U2SURP: variants seen among roughly 807,000 people sequenced by gnomAD.
U2SURP encodes U2 snRNP associated SURP domain containing, also known as U2 snRNP-associated SURP motif-containing protein.
In U2SURP, 9 loss-of-function variants were observed where a neutral mutation model predicts 144.9. That is an observed-to-expected ratio of 0.06 (90% CI 0.04 to 0.11). The LOEUF is 0.11. U2SURP is among the 10% of genes least tolerant of loss of function. U2SURP has a pLI of 1.00. For missense variants in U2SURP, 724 were observed against 1,226.7 expected, an observed-to-expected ratio of 0.59 and a Z score of 6.12; for synonymous variants, 408 against 396.8, an observed-to-expected ratio of 1.03 and a Z score of -0.33.
chr3:143,036,615 C>T (rs1933824699), intron 20 of U2SURP, among the ~76,000 whole-genome samples: 1 of 152,114 alleles, frequency 6.6e-6, no homozygotes, highest in African/African-American at 2.4e-5. Flanking sequence ...ATTGGCCTTA[C>T]TGTTGCAACC....
intron 10 of U2SURP, 26 bp downstream of exon 10, chr3:143,021,581 A>T (rs747248237): frequency 6.3e-7 from 1 of 1,585,144 alleles, no homozygotes; most frequent in East Asian, 2.2e-5. Context: ...ATGAATGTTG[A>T]TTGATATGCT....
chr3:143,023,161 A>G (rs1578132290), intron 12 of U2SURP, 97 bp downstream of exon 12: 2 of 1,143,512 alleles, frequency 1.7e-6, no homozygotes, highest in South Asian at 3.3e-5. Flanking sequence ...ATGTGTGTGT[A>G]ATTCTGTTTG....
At chr3:143,050,198 C>T (rs946424978) in intron 24 of U2SURP, among the ~76,000 whole-genome samples, 26 of 152,046 alleles carry the variant, frequency 1.7e-4, no homozygotes, top group African/African-American at 5.8e-4. Flanking sequence ...CTCAGTCTCC[C>T]GAGTAGCTGG....
intron 20 of U2SURP, 152 bp from the exon 21 acceptor site, chr3:143,037,027 T>C: frequency 1.4e-6 from 1 of 724,156 alleles, no homozygotes; most frequent in South Asian, 2.2e-5. Context: ...ACTGCTTCTT[T>C]AGCAAACTGG....
chr3:143,031,286 A>G (rs1933466762), intron 16 of U2SURP, among the ~76,000 whole-genome samples: 1 of 152,238 alleles, frequency 6.6e-6, no homozygotes, highest in Non-Finnish European at 1.5e-5. Flanking sequence ...TTGGCAAGAC[A>G]TTCTCCTCTG....
At position 143,047,159 on chromosome 3, in the gene U2SURP, T is replaced by C. The variant is rs1272373; in HGVS notation, c.2545-3780T>C. On this transcript the variant is annotated intron_variant, in intron 24 of 27. Coordinates refer to ENST00000473835, the MANE Select transcript of U2SURP (RefSeq NM_001080415.2). ...CCCCTCACCTCCCGGACGGGGCGGC[T>C]GGCCAGGCGGGGGGCTGATCCCCCC... 1.6e-3 allele frequency among the ~76,000 whole-genome samples: 120 copies of C among 73,228 alleles called. 7 individuals carry two copies. Among genetic ancestry groups the C allele is most frequent in the East Asian group, 8.9e-3 (19 of 2,144 alleles). The allele number at this position is 73,228 out of a possible 152,430, so 48.0% of individuals were successfully genotyped here.
intron 27 of U2SURP, among the ~76,000 whole-genome samples, chr3:143,055,469 C>T (rs1315213996): frequency 6.6e-6 from 1 of 152,058 alleles, no homozygotes; most frequent in Non-Finnish European, 1.5e-5. Flanking sequence ...CATTTTTCCC[C>T]CATAGCAATA....
chr3:143,049,323 A>G (rs1383918062), intron 24 of U2SURP, among the ~76,000 whole-genome samples: 1 of 135,810 alleles, frequency 7.4e-6, no homozygotes, highest in African/African-American at 2.9e-5. Context: ...ATGGGGAGAA[A>G]TGGTAAAGAC....
rs1250784673 is a variant in U2SURP at position 143,056,735 on chromosome 3, T to G, written c.*285T>G. The G allele has an allele frequency of 1.6e-5, 4 of 250,496 alleles. No individual in the cohort carries two copies. In the South Asian group the frequency reaches 2.9e-4, roughly 18 times the overall value. 15.5% of individuals were successfully genotyped at this position (250,496 alleles called of 1,614,324 possible). On this transcript the variant is annotated 3_prime_UTR_variant, in exon 28 of 28. Transcript: ENST00000473835. ...AATGGATCTGCTGACAGTAGTAGTA[T>G]TTTGTTTTAGGATGTTGTGACTTAG...
intron 24 of U2SURP, among the ~76,000 whole-genome samples, chr3:143,047,847 C>T (rs1934610073): frequency 1.0e-5 from 1 of 97,710 alleles, no homozygotes; most frequent in African/African-American, 3.9e-5. Context: ...AGCCCCTCAC[C>T]TCCCGGACGG....
chr3:143,049,434 T>A (rs371347659), intron 24 of U2SURP, among the ~76,000 whole-genome samples: 4 of 152,312 alleles, frequency 2.6e-5, no homozygotes, highest in South Asian at 2.1e-4. Flanking sequence ...GATATATCAG[T>A]GTCTGAATAA....
chr3:143,022,691 C>T (rs760029197), intron 11 of U2SURP, 29 bp downstream of exon 11: 2 of 1,585,594 alleles, frequency 1.3e-6, no homozygotes, highest in African/African-American at 2.7e-5. Context: ...TCCATTTATA[C>T]AATTCAGATA....
chr3:143,035,982 C>A lies in U2SURP; in HGVS notation c.1942C>A (p.Gln648Lys). The stretch of plus-strand genomic sequence containing the variant: ...TGTTGTCTGTTTCCTGTTTCTTTAG[C>A]AACGGGTAATGACTTGCTTCAGAGC... The part of the protein sequence containing the change: ...QGHLQSENFK[Q>K]RVMTCFRAWE... The change falls in exon 20 of 28, where the codon CAA becomes AAA. Residue 648 changes from glutamine to lysine, a missense_variant and splice_region_variant. This residue lies in a region of U2SURP where 116 missense variants were observed against 167.9 expected (regional missense o/e 0.69). Transcript: ENST00000473835. The A allele has an allele frequency of 6.3e-7, 1 of 1,590,778 alleles. No individual in the cohort carries two copies. The highest frequency in any genetic ancestry group is 8.5e-7 in the Non-Finnish European group (1 of 1,173,146).
chr3:143,024,058 C>T, intron 13 of U2SURP, 40 bp downstream of exon 13: 6 of 1,524,046 alleles, frequency 3.9e-6, no homozygotes, highest in Non-Finnish European at 5.5e-6. Flanking sequence ...TAAATATAGA[C>T]AATATCCCCT....
intron 1 of U2SURP, among the ~76,000 whole-genome samples, chr3:143,007,468 C>CA (rs1302234075): frequency 8.2e-6 from 1 of 121,696 alleles, no homozygotes; most frequent in Non-Finnish European, 1.6e-5. Context: ...TTTTTTGAGA[C>CA]AGAGTCTCGC....
chr3:143,010,509 A>G (rs17557349), intron 1 of U2SURP, among the ~76,000 whole-genome samples: 50,062 of 152,112 alleles, frequency 0.33, 8,596 homozygotes, highest in Non-Finnish European at 0.38. Context: ...GCTTTTGCAT[A>G]AAACTGTGTA....
intron 1 of U2SURP, among the ~76,000 whole-genome samples, chr3:143,009,614 G>T (rs966010751): frequency 5.3e-5 from 8 of 151,640 alleles, no homozygotes; most frequent in African/African-American, 1.9e-4. Flanking sequence ...AAAAAAAAAT[G>T]AAAGAAAGAA....
intron 1 of U2SURP, among the ~76,000 whole-genome samples, chr3:143,003,613 T>C (rs1438736400): frequency 6.6e-6 from 1 of 151,850 alleles, no homozygotes; most frequent in Non-Finnish European, 1.5e-5. Flanking sequence ...TCCTGTGATT[T>C]GGAATCTAAG....
intron 23 of U2SURP, among the ~76,000 whole-genome samples, chr3:143,042,261 T>G (rs1191540799): frequency 6.6e-6 from 1 of 152,090 alleles, no homozygotes; most frequent in Non-Finnish European, 1.5e-5. Flanking sequence ...AATACCGGTA[T>G]TTGCTAATAT....
Sources: gnomAD v4.1 joint callset for allele counts (sites outside exome capture counted in the v4.1 genomes callset) on GRCh38, gnomAD v4.1.1 for gene constraint, gnomAD v4.1.1 regional missense constraint, MANE v1.5 for transcripts, NCBI Gene and HGNC (gene_info 2026-07-23, HGNC 2026-07-21) for gene names.